Variants in ZC3H3 observed in about 807,000 individuals in gnomAD.
ZC3H3 encodes the protein zinc finger CCCH domain-containing protein 3.
Under a neutral mutation model 77.3 loss-of-function variants are expected in ZC3H3, and 36 were observed. That is an observed-to-expected ratio of 0.47 (90% CI 0.36 to 0.61). The LOEUF (loss-of-function observed/expected upper bound fraction) is 0.61. ZC3H3 is among the 20% of genes least tolerant of loss of function. The probability of loss-of-function intolerance (pLI) is 0.00; values close to 1 mark genes in which losing one functional copy is unlikely to be tolerated. For missense variants in ZC3H3, 1,331 were observed against 1,312.2 expected, an observed-to-expected ratio of 1.01 and a Z score of -0.22; for synonymous variants, 626 against 555.2, an observed-to-expected ratio of 1.13 and a Z score of -1.79.
At chr8:143,537,727 T>A (rs1822847997) in intron 2 of ZC3H3, among the ~76,000 whole-genome samples, 1 of 152,218 alleles carries the variant, frequency 6.6e-6, no homozygotes, top group Non-Finnish European at 1.5e-5. Flanking sequence ...GAACGGAAGC[T>A]GCCCCCAGCG....
intron 4 of ZC3H3, among the ~76,000 whole-genome samples, chr8:143,507,437 G>A (rs1821736673): frequency 6.6e-6 from 1 of 152,284 alleles, no homozygotes; most frequent in Admixed American, 6.5e-5. Flanking sequence ...CGTCTGGGCA[G>A]CAGAAGCTTT....
intron 4 of ZC3H3, among the ~76,000 whole-genome samples, chr8:143,498,889 G>C (rs1436434956): frequency 8.8e-6 from 1 of 113,128 alleles, no homozygotes; most frequent in African/African-American, 3.4e-5. Context: ...GGGCGGAGGG[G>C]CACAGGGCGG....
At chr8:143,525,889 C>T (rs1822395789) in intron 3 of ZC3H3, among the ~76,000 whole-genome samples, 1 of 152,278 alleles carries the variant, frequency 6.6e-6, no homozygotes, top group African/African-American at 2.4e-5. Flanking sequence ...GGCCTCCCCA[C>T]CCAGCTGGAT....
intron 9 of ZC3H3, among the ~76,000 whole-genome samples, chr8:143,444,820 G>T (rs1819827613): frequency 6.6e-6 from 1 of 152,170 alleles, no homozygotes; most frequent in Non-Finnish European, 1.5e-5. Flanking sequence ...TTGTATTGGG[G>T]TCCTATCCAA....
intron 3 of ZC3H3, among the ~76,000 whole-genome samples, chr8:143,515,183 G>C (rs1821994545): frequency 6.6e-6 from 1 of 152,236 alleles, no homozygotes; most frequent in Non-Finnish European, 1.5e-5. Flanking sequence ...CCCAGCCTCT[G>C]CTTTTCTCTT....
chr8:143,469,267 T>C (rs1248516680), intron 5 of ZC3H3, among the ~76,000 whole-genome samples: 1 of 152,124 alleles, frequency 6.6e-6, no homozygotes, highest in Non-Finnish European at 1.5e-5. Context: ...AGGGGGTGAA[T>C]ATGGCCCATG....
intron 8 of ZC3H3, among the ~76,000 whole-genome samples, chr8:143,466,303 G>A (rs1208849066): frequency 1.3e-5 from 2 of 152,204 alleles, no homozygotes; most frequent in Non-Finnish European, 2.9e-5. Flanking sequence ...TCCCTCTCCA[G>A]GCACCTGACC....
intron 4 of ZC3H3, among the ~76,000 whole-genome samples, chr8:143,483,272 G>A (rs866131079): frequency 6.6e-6 from 1 of 152,230 alleles, no homozygotes; most frequent in African/African-American, 2.4e-5. Flanking sequence ...GCTGGCTCGG[G>A]AGGGCGAGCA....
At chr8:143,521,627 G>A (rs1447850920) in intron 3 of ZC3H3, among the ~76,000 whole-genome samples, 1 of 152,168 alleles carries the variant, frequency 6.6e-6, no homozygotes. Context: ...GGACTTCCTG[G>A]GAGGCCAGCC....
intron 3 of ZC3H3, 87 bp downstream of exon 3, chr8:143,536,169 AG>A (rs1822788173): frequency 6.9e-7 from 1 of 1,440,088 alleles, no homozygotes; most frequent in Non-Finnish European, 9.3e-7. Flanking sequence ...AGCATGAGGC[AG>A]GGAAGGTGCC....
intron 4 of ZC3H3, among the ~76,000 whole-genome samples, chr8:143,477,215 G>A (rs966387960): frequency 2.6e-5 from 4 of 152,224 alleles, no homozygotes; most frequent in Non-Finnish European, 4.4e-5. Flanking sequence ...GCCCGGTGCC[G>A]GGGATGGGAG....
At position 143,440,965 on chromosome 8, in the gene ZC3H3, C is replaced by A; in HGVS notation, c.2463G>T (p.Arg821Ser). The change falls in exon 10 of 12, where the codon AGG becomes AGT. Residue 821 changes from arginine (R) to serine (S), a missense_variant. Arg to Ser is a moderately radical substitution (Grantham distance 110). Around this residue, in one of 3 missense-constraint regions of ZC3H3, gnomAD observed 249 missense variants for 236.9 expected, o/e 1.05. Transcript: ENST00000262577. ...PAPGPSDATARSRVSASHGPR... is the reference protein window; with the variant it reads ...PAPGPSDATASSRVSASHGPR... ...GCCCGTGGCTGGCCGAGACCCTGCTCCTGGCGGTTGCGTCGCTGGGCCCTG... is the reference window on the plus strand; with the variant it reads ...GCCCGTGGCTGGCCGAGACCCTGCTACTGGCGGTTGCGTCGCTGGGCCCTG... 6.9e-7 allele frequency: 1 copy of A among 1,445,634 alleles called. No individual in the cohort carries two copies. The highest frequency in any genetic ancestry group is 9.1e-7 in the Non-Finnish European group (1 of 1,104,890). The allele number at this position is 1,445,634 out of a possible 1,614,324, so 89.6% of individuals were successfully genotyped here.
chr8:143,496,194 G>A (rs1468833158), intron 4 of ZC3H3, among the ~76,000 whole-genome samples: 2 of 152,188 alleles, frequency 1.3e-5, no homozygotes, highest in Non-Finnish European at 2.9e-5. Flanking sequence ...GGGTGCGGGT[G>A]TGCATGGGAG....
At position 143,516,367 on chromosome 8, in the gene ZC3H3, G is replaced by A. The variant is rs1172921024; in HGVS notation, c.1562-8468C>T. On this transcript the variant is annotated intron_variant, in intron 3 of 11. Transcript: ENST00000262577. ...CCACGGGGCCGCTGGGGCCCTCCTG[G>A]GCACCCTCGAACCCTCTGGCCCCAC... Among the ~76,000 whole-genome samples the A allele has an allele frequency of 2.0e-5, 3 of 152,164 alleles. 1 individual carries two copies. Among genetic ancestry groups the A allele is most frequent in the South Asian group, 4.1e-4 (2 of 4,836 alleles).
chr8:143,465,609 C>T (rs1820387403), intron 9 of ZC3H3, 108 bp downstream of exon 9: 1 of 1,527,242 alleles, frequency 6.5e-7, no homozygotes, highest in Non-Finnish European at 8.8e-7. Context: ...CTGACCACCT[C>T]AGGGCTGCAG....
Position 143,440,183 on chromosome 8 carries a change from T to C in ZC3H3, c.2673A>G (p.Pro891=). 1.9e-6 allele frequency: 3 copies of C among 1,611,706 alleles called. No homozygotes were observed. The highest frequency in any genetic ancestry group is 2.5e-6 in the Non-Finnish European group (3 of 1,179,604). ...CTGCTAAGGCAGCCTCCTGGAGAGA[T>C]GGTGCCTCGTGGTCCAAGGAAGCGG... ...SPPASLDHEA[P]SLQEAALAAA... The change falls in exon 11 of 12, where the codon CCA becomes CCG. Residue 891 remains proline (P), a synonymous_variant. Transcript: ENST00000262577.
At chr8:143,463,037 G>A (rs1586887838) in intron 9 of ZC3H3, among the ~76,000 whole-genome samples, 1 of 150,182 alleles carries the variant, frequency 6.7e-6, no homozygotes, top group African/African-American at 2.5e-5. Flanking sequence ...AGGCTGGAGT[G>A]CAGTGGCGCA....
intron 9 of ZC3H3, among the ~76,000 whole-genome samples, chr8:143,463,748 G>A (rs1295279361): frequency 2.0e-5 from 3 of 152,182 alleles, no homozygotes; most frequent in South Asian, 2.1e-4. Flanking sequence ...CTGCGTCTCC[G>A]GGTCTGGGCA....
intron 3 of ZC3H3, among the ~76,000 whole-genome samples, chr8:143,520,878 C>T (rs537332685): frequency 2.0e-5 from 3 of 152,344 alleles, no homozygotes; most frequent in African/African-American, 4.8e-5. Flanking sequence ...GGAGCTGCCC[C>T]CTCCCTGCCT....
Sources: gnomAD v4.1 joint callset for allele counts (sites outside exome capture counted in the v4.1 genomes callset) on GRCh38, gnomAD v4.1.1 for gene constraint, gnomAD v4.1.1 regional missense constraint, MANE v1.5 for transcripts, NCBI Gene and HGNC (gene_info 2026-07-23, HGNC 2026-07-21) for gene names.